RIN3: variants seen among roughly 807,000 people sequenced by gnomAD.
The protein encoded by RIN3 is Ras and Rab interactor 3.
RIN3 carries 54 observed loss-of-function variants against 76.3 expected under a neutral mutation model. The ratio of observed to expected loss-of-function variants is 0.71; its 90% CI spans 0.57 to 0.89. The LOEUF (loss-of-function observed/expected upper bound fraction) is 0.89. Ranked by LOEUF, RIN3 falls within the 40% of genes least tolerant of loss-of-function variation. RIN3 has a pLI of 0.00. For synonymous variants in RIN3, 576 were observed against 564.0 expected (o/e 1.02, Z -0.30); for missense variants, 1,256 against 1,322.1 (o/e 0.95, Z 0.78).
chr14:92,539,536 T>A (rs557501903), intron 1 of RIN3, among the ~76,000 whole-genome samples: 1 of 152,258 alleles, frequency 6.6e-6, no homozygotes, highest in East Asian at 1.9e-4. Flanking sequence ...GCTGCATAGC[T>A]CTGGTTGATG....
At chr14:92,614,780 G>C (rs1885884044) in intron 3 of RIN3, among the ~76,000 whole-genome samples, 1 of 145,102 alleles carries the variant, frequency 6.9e-6, no homozygotes, top group Non-Finnish European at 1.5e-5. Flanking sequence ...ACATAGAACT[G>C]TGAGTCCATT....
Position 92,656,221 on chromosome 14 carries a change from G to C in RIN3, c.2027-2940G>C, listed in dbSNP as rs758567908. Among the ~76,000 whole-genome samples the C allele has an allele frequency of 1.3e-5, 2 of 152,202 alleles. No homozygotes were observed. Among genetic ancestry groups the C allele is most frequent in the Non-Finnish European group, 2.9e-5 (2 of 68,032 alleles). On this transcript the variant is annotated intron_variant, in intron 6 of 9. Coordinates refer to ENST00000216487, the MANE Select transcript of RIN3 (RefSeq NM_024832.5). This position sits in a 1 kb window ranked among gnomAD's most constrained non-coding sequence, Gnocchi z 5.2. Reference sequence around the variant, plus strand: ...TAAGCCGTGGAAAGGGTAGTGGAAGGACTTTCCTTCCGGAAAGGGATGACA... The same window carrying C: ...TAAGCCGTGGAAAGGGTAGTGGAAGCACTTTCCTTCCGGAAAGGGATGACA...
intron 1 of RIN3, among the ~76,000 whole-genome samples, chr14:92,531,881 TC>T (rs1279674757): frequency 6.8e-6 from 1 of 146,674 alleles, no homozygotes; most frequent in Non-Finnish European, 1.5e-5. Flanking sequence ...TTTAAACCCC[TC>T]CCCCCAGTAA....
intron 1 of RIN3, among the ~76,000 whole-genome samples, chr14:92,544,429 G>T (rs1566834973): frequency 2.4e-5 from 1 of 41,080 alleles, no homozygotes; most frequent in Non-Finnish European, 5.5e-5. Context: ...GGGGGGGGGG[G>T]GTGGGGGCGG....
chr14:92,604,471 TC>T (rs982378907), intron 3 of RIN3, among the ~76,000 whole-genome samples: 34 of 152,154 alleles, frequency 2.2e-4, no homozygotes, highest in African/African-American at 8.0e-4. Context: ...GAAAGCTACT[TC>T]CAGGGTCCAC....
rs1463965111 is a variant in RIN3, at chr14:92,608,033, T to TA, written c.368-7373dup. On this transcript the variant is annotated intron_variant, in intron 3 of 9. Coordinates refer to ENST00000216487, the MANE Select transcript of RIN3 (RefSeq NM_024832.5). ...GTGATGGGGAGGGGGTAGATGTGGC[T>TA]ATGAAGGGATAGCACAAGGGAGCTC... Among the ~76,000 whole-genome samples the TA allele has an allele frequency of 2.6e-5, 4 of 152,346 alleles. No individual in the cohort carries two copies. In the East Asian group the frequency reaches 7.7e-4, roughly 29 times the overall value.
chr14:92,517,017 GGTGCCTCCCA>G (rs1896461616), intron 1 of RIN3, among the ~76,000 whole-genome samples: 1 of 152,196 alleles, frequency 6.6e-6, no homozygotes, highest in Admixed American at 6.5e-5. Flanking sequence ...GGTGGTCTGT[GGTGCCTCCCA>G]GTCCCTTGCC....
At chr14:92,526,485 T>C (rs1008647287) in intron 1 of RIN3, among the ~76,000 whole-genome samples, 1 of 151,828 alleles carries the variant, frequency 6.6e-6, no homozygotes, top group African/African-American at 2.4e-5. Context: ...CCGGGCGCAG[T>C]GGCTCAAGCC....
chr14:92,523,724 T>C (rs951016310), intron 1 of RIN3, among the ~76,000 whole-genome samples: 4 of 152,262 alleles, frequency 2.6e-5, no homozygotes, highest in African/African-American at 9.6e-5. Context: ...CTGTTTATTC[T>C]GACTCTCAAA....
chr14:92,651,726 C>G lies in RIN3; in HGVS notation c.677C>G (p.Ser226Trp), dbSNP rs201944996. 6.2e-7 allele frequency: 1 copy of G among 1,614,108 alleles called. No homozygotes were observed. Among genetic ancestry groups the G allele is most frequent in the Admixed American group, 1.7e-5 (1 of 60,014 alleles). The change falls in exon 6 of 10, where the codon TCG (serine) becomes TGG (tryptophan). Residue 226 changes from serine (S) to tryptophan (W), a missense_variant. Physicochemically the swap from Ser to Trp is radical, Grantham distance 177 (BLOSUM62 -3). This residue lies in a region of RIN3 where 610 missense variants were observed against 626.4 expected (regional missense o/e 0.97). Coordinates refer to ENST00000216487, the MANE Select transcript of RIN3 (RefSeq NM_024832.5). ...AACTGTGCCTGTGAAATCGAGCTGT[C>G]GGTAGGAAATGACCGCCTGTGGTTT... ...DANCACEIEL[S>W]VGNDRLWFVN...
intron 8 of RIN3, among the ~76,000 whole-genome samples, chr14:92,682,242 T>C (rs1024031863): frequency 6.6e-6 from 1 of 152,152 alleles, no homozygotes; most frequent in Non-Finnish European, 1.5e-5. Context: ...ATAAACCCTT[T>C]TATCTTACCC....
intron 3 of RIN3, among the ~76,000 whole-genome samples, chr14:92,584,183 C>T (rs1884678989): frequency 6.6e-6 from 1 of 152,172 alleles, no homozygotes; most frequent in African/African-American, 2.4e-5. Flanking sequence ...AACCAACCCC[C>T]CACAGATACC....
rs973409854 is a variant in RIN3 at position 92,656,202 on chromosome 14, G to A, written c.2027-2959G>A. ...AAGGAGGAGTCAGGGATGCTAAGCC[G>A]TGGAAAGGGTAGTGGAAGGACTTTC... On this transcript the variant is annotated intron_variant, in intron 6 of 9. Coordinates refer to ENST00000216487, the MANE Select transcript of RIN3 (RefSeq NM_024832.5). This position sits in a 1 kb window ranked among gnomAD's most constrained non-coding sequence, Gnocchi z 5.2. 6.6e-5 allele frequency among the ~76,000 whole-genome samples: 10 copies of A among 152,202 alleles called. No individual in the cohort carries two copies. The highest frequency in any genetic ancestry group is 3.2e-3 in the Middle Eastern group (1 of 316).
At chr14:92,553,401 T>C (rs1206731135) in intron 1 of RIN3, among the ~76,000 whole-genome samples, 1 of 152,120 alleles carries the variant, frequency 6.6e-6, no homozygotes, top group Admixed American at 6.5e-5. Flanking sequence ...ATTTTAACTT[T>C]TCCCAGACGA....
intron 3 of RIN3, among the ~76,000 whole-genome samples, chr14:92,605,188 G>A (rs906492288): frequency 6.6e-6 from 1 of 152,024 alleles, no homozygotes; most frequent in Non-Finnish European, 1.5e-5. Context: ...TAGGATTACA[G>A]GCGCGAGCCA....
At chr14:92,601,465 G>A (rs529312413) in intron 3 of RIN3, among the ~76,000 whole-genome samples, 1 of 152,312 alleles carries the variant, frequency 6.6e-6, no homozygotes, top group Non-Finnish European at 1.5e-5. Context: ...TCCCAAGCTT[G>A]CAGGGGAAAT....
chr14:92,523,009 A>G (rs941327724), intron 1 of RIN3, among the ~76,000 whole-genome samples: 2 of 152,334 alleles, frequency 1.3e-5, no homozygotes, highest in Middle Eastern at 3.4e-3. Flanking sequence ...TAGAACAACA[A>G]TATATTATAG....
At chr14:92,607,365 T>C (rs1049526064) in intron 3 of RIN3, among the ~76,000 whole-genome samples, 1 of 152,264 alleles carries the variant, frequency 6.6e-6, no homozygotes, top group African/African-American at 2.4e-5. Flanking sequence ...AAGTAGAGGC[T>C]GGACATGGCA....
intron 2 of RIN3, among the ~76,000 whole-genome samples, chr14:92,575,925 G>T (rs1056798135): frequency 6.6e-6 from 1 of 152,178 alleles, no homozygotes; most frequent in Non-Finnish European, 1.5e-5. Context: ...GGGTCACTCT[G>T]GTTCAGACGG....
Sources: allele counts gnomAD v4.1 joint callset (sites outside exome capture counted in the v4.1 genomes callset), GRCh38; gene constraint gnomAD v4.1.1; regional missense constraint gnomAD v4.1.1; non-coding constraint Gnocchi (gnomAD v3.1); transcripts MANE v1.5; gene names NCBI Gene and HGNC (gene_info 2026-07-23, HGNC 2026-07-21).